SDK2: variants seen among roughly 807,000 people sequenced by gnomAD.
SDK2 encodes the protein sidekick cell adhesion molecule 2.
SDK2 carries 105 observed loss-of-function variants against 253.9 expected under a neutral mutation model. That is an observed-to-expected ratio of 0.41 (90% CI 0.35 to 0.49). The LOEUF (loss-of-function observed/expected upper bound fraction) is 0.49. Ranked by LOEUF, SDK2 falls within the 20% of genes least tolerant of loss-of-function variation. The pLI is 0.06. For missense variants in SDK2, 2,608 were observed against 3,003.0 expected (o/e 0.87, Z 3.07); for synonymous variants, 1,249 against 1,234.9 (o/e 1.01, Z -0.24).
rs561159742 is a variant in SDK2 at position 73,398,080 on chromosome 17, C to G, written c.3309G>C (p.Val1103=). 31 of 1,613,538 alleles carry G rather than the reference C, an allele frequency of 1.9e-5. No individual in the cohort carries two copies. In the South Asian group the frequency reaches 3.4e-4, roughly 18 times the overall value. Reference sequence around the variant, plus strand: ...TGGTCTCACTGGCTGTGCGCAGAGACACATTGGCTGGGGCCATGTCAGGGG... The same window carrying G: ...TGGTCTCACTGGCTGTGCGCAGAGAGACATTGGCTGGGGCCATGTCAGGGG... The part of the protein sequence containing the change: ...QAPPDMAPAN[V]SLRTASETSL... Residue 1103 remains valine (V), a synonymous_variant, in exon 24 of 45, where the codon GTG becomes GTC. Transcript: ENST00000392650.
chr17:73,444,241 CG>C (rs1313325377), intron 5 of SDK2, among the ~76,000 whole-genome samples: 3 of 152,142 alleles, frequency 2.0e-5, no homozygotes, highest in African/African-American at 7.2e-5. Flanking sequence ...TGCAGGGTAC[CG>C]GGCAAGGCCT....
chr17:73,397,006 C>T (rs576115572), intron 24 of SDK2, among the ~76,000 whole-genome samples: 11 of 152,180 alleles, frequency 7.2e-5, no homozygotes, highest in African/African-American at 2.4e-4. Context: ...TCAAGCTGTC[C>T]GCGCACAGGA....
intron 1 of SDK2, chr17:73,519,913 C>T (rs111341390): frequency 2.6e-5 from 4 of 152,328 alleles, no homozygotes; most frequent in African/African-American, 7.2e-5. Flanking sequence ...CGCTTTGTGG[C>T]GTGTAACAAA....
chr17:73,454,787 T>A (rs1043174576), intron 4 of SDK2, among the ~76,000 whole-genome samples: 2 of 152,200 alleles, frequency 1.3e-5, no homozygotes, highest in Non-Finnish European at 2.9e-5. Flanking sequence ...CACTGCAACC[T>A]CTGACTCCCA....
chr17:73,423,463 G>A lies in SDK2; in HGVS notation c.1820C>T (p.Ala607Val). 2 of 1,594,298 alleles carry A rather than the reference G, an allele frequency of 1.3e-6. No homozygotes were observed. Among genetic ancestry groups the A allele is most frequent in the Non-Finnish European group, 1.7e-6 (2 of 1,168,402 alleles). Residue 607 changes from alanine (A) to valine (V), a missense_variant, in exon 14 of 45, where the codon GCC becomes GTC. Ala to Val is a moderately conservative substitution (Grantham distance 64, BLOSUM62 0). Coordinates refer to ENST00000392650, the MANE Select transcript of SDK2 (RefSeq NM_001144952.2). ...GGGCTTGGTCCACGTCAGGTTGATGGCTCGCCTTTCCACGGTGCTGAGAGT... is the reference window on the plus strand; with the variant it reads ...GGGCTTGGTCCACGTCAGGTTGATGACTCGCCTTTCCACGGTGCTGAGAGT... ...VATLSTVERR[A>V]INLTWTKPFD...
intron 1 of SDK2, among the ~76,000 whole-genome samples, chr17:73,583,237 A>C (rs1238435137): frequency 6.6e-6 from 1 of 152,240 alleles, no homozygotes; most frequent in Non-Finnish European, 1.5e-5. Context: ...GCTCCCTGAC[A>C]GCAGACCGTG....
At chr17:73,359,973 C>T (rs536109985) in intron 39 of SDK2, among the ~76,000 whole-genome samples, 55 of 152,320 alleles carry the variant, frequency 3.6e-4, no homozygotes, top group African/African-American at 1.3e-3. Flanking sequence ...CCCTCCACTA[C>T]CTTCTCTGAA....
At chr17:73,520,037 G>A (rs1006044758) in intron 1 of SDK2, 2 of 152,180 alleles carry the variant, frequency 1.3e-5, no homozygotes, top group African/African-American at 2.4e-5. Flanking sequence ...ATAACACCAC[G>A]CGGCTCTATG....
At chr17:73,476,364 G>A (rs951718200) in intron 2 of SDK2, among the ~76,000 whole-genome samples, 3 of 152,148 alleles carry the variant, frequency 2.0e-5, no homozygotes, top group African/African-American at 4.8e-5. Flanking sequence ...CTCCCTTTTG[G>A]GAGAGATACC....
intron 1 of SDK2, among the ~76,000 whole-genome samples, chr17:73,601,722 G>A (rs1469983484): frequency 6.6e-6 from 1 of 151,888 alleles, no homozygotes; most frequent in Non-Finnish European, 1.5e-5. Context: ...CCTTGATTTT[G>A]GACATCCAGA....
chr17:73,407,633 T>C (rs2063089804), intron 18 of SDK2, among the ~76,000 whole-genome samples: 1 of 152,158 alleles, frequency 6.6e-6, no homozygotes, highest in African/African-American at 2.4e-5. Context: ...CGGGGGAGTC[T>C]CACTATATTG....
chr17:73,644,135 C>T lies in SDK2; in HGVS notation c.-47G>A, dbSNP rs766832655. 299 of 1,484,854 alleles carry T rather than the reference C, an allele frequency of 2.0e-4. No homozygotes were observed. The highest frequency in any genetic ancestry group is 2.7e-4 in the Non-Finnish European group (295 of 1,086,838). The allele number at this position is 1,484,854 out of a possible 1,614,324, so 92.0% of individuals were successfully genotyped here. On this transcript the variant is annotated 5_prime_UTR_variant, in exon 1 of 45. Transcript: ENST00000392650. This position sits in a 1 kb window ranked among gnomAD's most constrained non-coding sequence, Gnocchi z 6.3. ...TCCTCGGGGTCTCCCTTCCCTCCGC[C>T]CTGTTTTATAATCCTGGTGGGGTCC...
At chr17:73,409,021 A>G (rs1444413488) in intron 18 of SDK2, among the ~76,000 whole-genome samples, 2 of 152,286 alleles carry the variant, frequency 1.3e-5, no homozygotes, top group South Asian at 2.1e-4. Flanking sequence ...GAACTGATAC[A>G]ATGCCTGGAA....
At chr17:73,584,585 C>T (rs1056589286) in intron 1 of SDK2, among the ~76,000 whole-genome samples, 2 of 152,246 alleles carry the variant, frequency 1.3e-5, no homozygotes, top group Non-Finnish European at 2.9e-5. Flanking sequence ...GGAGCACCTT[C>T]TGGGACCAGT....
chr17:73,340,814 GCTCACCTCAAC>G (rs56149521), intron 44 of SDK2, among the ~76,000 whole-genome samples: 100,153 of 143,388 alleles, frequency 0.7, 37,211 homozygotes, highest in Non-Finnish European at 0.82. Flanking sequence ...CACGATCTTG[GCTCACCTCAAC>G]CTCTGCCTCC....
intron 1 of SDK2, among the ~76,000 whole-genome samples, chr17:73,526,351 A>G (rs2064125432): frequency 6.6e-6 from 1 of 152,186 alleles, no homozygotes; most frequent in Non-Finnish European, 1.5e-5. Flanking sequence ...TGGCTTTGCC[A>G]ATTAGGACCT....
chr17:73,338,520 G>A lies in SDK2; in HGVS notation c.*67C>T, dbSNP rs78418467. On this transcript the variant is annotated 3_prime_UTR_variant, in exon 45 of 45. Transcript: ENST00000392650. The surrounding 1 kb of genome is among the most constrained non-coding windows in gnomAD (Gnocchi z 5.0). Reference sequence around the variant, plus strand: ...TCTTGGTGTTTTTGTTTTCTGGCAGGCAGTGAGAGGAGGGGTGAAGGAGGA... The same window carrying A: ...TCTTGGTGTTTTTGTTTTCTGGCAGACAGTGAGAGGAGGGGTGAAGGAGGA... The A allele has an allele frequency of 9.3e-3, 8,730 of 936,962 alleles. 63 individuals carry two copies. Among genetic ancestry groups the A allele is most frequent in the Non-Finnish European group, 0.012 (7,707 of 618,156 alleles). The allele number at this position is 936,962 out of a possible 1,614,324, so 58.0% of individuals were successfully genotyped here. A position where few individuals can be genotyped will look rare whatever the true frequency, so the allele number is the denominator to read the frequency against.
chr17:73,351,198 T>G (rs572829904), intron 41 of SDK2, among the ~76,000 whole-genome samples: 1 of 151,888 alleles, frequency 6.6e-6, no homozygotes, highest in South Asian at 2.1e-4. Flanking sequence ...CAACCTCCAC[T>G]TCCCGGGTTC....
At chr17:73,634,314 G>A (rs1166718726) in intron 1 of SDK2, among the ~76,000 whole-genome samples, 1 of 152,234 alleles carries the variant, frequency 6.6e-6, no homozygotes, top group Non-Finnish European at 1.5e-5. Context: ...TGGCCTGGGA[G>A]GCAGCTGACC....
Sources: gnomAD v4.1 joint callset for allele counts (sites outside exome capture counted in the v4.1 genomes callset) on GRCh38, gnomAD v4.1.1 for gene constraint, Gnocchi (gnomAD v3.1) non-coding constraint, MANE v1.5 for transcripts, NCBI Gene and HGNC (gene_info 2026-07-23, HGNC 2026-07-21) for gene names.